The following ARAP2 variants were observed in gnomAD, a reference collection of about 807,000 sequenced individuals.
ARAP2 encodes arf-GAP with Rho-GAP domain, ANK repeat and PH domain-containing protein 2.
ARAP2 carries 148 observed loss-of-function variants against 194.5 expected under a neutral mutation model. The ratio of observed to expected loss-of-function variants is 0.76; its 90% CI spans 0.67 to 0.87. The LOEUF (loss-of-function observed/expected upper bound fraction) is 0.87. ARAP2 is among the 40% of genes least tolerant of loss of function. The probability of loss-of-function intolerance (pLI) is 0.00; values close to 1 mark genes in which losing one functional copy is unlikely to be tolerated. For missense variants in ARAP2, 2,128 were observed against 1,989.7 expected (o/e 1.07, Z -1.32); for synonymous variants, 695 against 683.5 (o/e 1.02, Z -0.26).
intron 24 of ARAP2, among the ~76,000 whole-genome samples, chr4:36,119,233 G>C (rs1722103947): frequency 6.6e-6 from 1 of 151,464 alleles, no homozygotes; most frequent in South Asian, 2.1e-4. Flanking sequence ...ACAATCATAT[G>C]AAAGCATGCA....
At chr4:36,022,876 A>T (rs963990154) in intron 5 of ARAP2, among the ~76,000 whole-genome samples, 1 of 152,178 alleles carries the variant, frequency 6.6e-6, no homozygotes, top group African/African-American at 2.4e-5. Flanking sequence ...AGAACCTGTG[A>T]GTTCCCTATA....
chr4:36,052,736 G>C (rs1318314176), intron 2 of ARAP2, among the ~76,000 whole-genome samples: 1 of 152,100 alleles, frequency 6.6e-6, no homozygotes, highest in Admixed American at 6.5e-5. Flanking sequence ...AGGCCGAGGC[G>C]GGCGGATCAC....
At chr4:36,193,995 T>C (rs1375317004) in intron 6 of ARAP2, among the ~76,000 whole-genome samples, 2 of 152,202 alleles carry the variant, frequency 1.3e-5, no homozygotes, top group Non-Finnish European at 2.9e-5. Flanking sequence ...TAAGCTTTCA[T>C]CCCTCATTAA....
At chr4:36,100,939 GC>G (rs1384044442) in intron 27 of ARAP2, among the ~76,000 whole-genome samples, 1 of 151,758 alleles carries the variant, frequency 6.6e-6, no homozygotes, top group Admixed American at 6.6e-5. Context: ...TATACGGTTG[GC>G]CCTCTGTATC....
chr4:36,167,080 G>T, intron 9 of ARAP2, 33 bp from the exon 10 acceptor site: 1 of 1,179,350 alleles, frequency 8.5e-7, no homozygotes, highest in Non-Finnish European at 1.2e-6. Flanking sequence ...AAACTATAAA[G>T]AAACAAAAAA....
intron 16 of ARAP2, among the ~76,000 whole-genome samples, chr4:36,150,645 A>G (rs1730747456): frequency 6.6e-6 from 1 of 152,154 alleles, no homozygotes; most frequent in African/African-American, 2.4e-5. Context: ...CATCTCAAAA[A>G]AAAAAAAATT....
In ARAP2 at chr4:36,102,113, G is replaced by T. The variant is rs183754982; in HGVS notation, c.4285+5452C>A. Among the ~76,000 whole-genome samples, 96 of 151,882 alleles carry T rather than the reference G, an allele frequency of 6.3e-4. 3 individuals are homozygous for T. The Middle Eastern group carries it at 0.017, about 27-fold the overall frequency. On this transcript the variant is annotated intron_variant, in intron 27 of 32. Transcript: ENST00000303965. The stretch of plus-strand genomic sequence containing the variant: ...CTAAAATTGCATGACTTAGTATTCT[G>T]CCAAGGCTAAAACCACTTTCCACAC...
chr4:36,090,823 G>A (rs1239054855), intron 28 of ARAP2, among the ~76,000 whole-genome samples: 3 of 152,090 alleles, frequency 2.0e-5, no homozygotes, highest in East Asian at 1.9e-4. Flanking sequence ...CCTAAGTGAT[G>A]AAATAATGTG....
At chr4:36,209,016 G>A (rs1353691505) in intron 6 of ARAP2, among the ~76,000 whole-genome samples, 1 of 152,108 alleles carries the variant, frequency 6.6e-6, no homozygotes, top group Admixed American at 6.6e-5. Context: ...CAACAATAGT[G>A]AAACTTTCTG....
intron 6 of ARAP2, among the ~76,000 whole-genome samples, chr4:36,210,021 G>C (rs922014833): frequency 3.3e-5 from 5 of 152,146 alleles, no homozygotes; most frequent in South Asian, 2.1e-4. Context: ...ATGAGCAAAA[G>C]CCAAACAGTG....
intron 2 of ARAP2, among the ~76,000 whole-genome samples, chr4:36,053,633 A>G (rs958481881): frequency 6.6e-6 from 1 of 152,224 alleles, no homozygotes; most frequent in Non-Finnish European, 1.5e-5. Flanking sequence ...CACCTTTCTC[A>G]TTAAAATAAA....
chr4:36,089,587 T>C (rs1229589310), intron 28 of ARAP2, among the ~76,000 whole-genome samples: 1 of 152,124 alleles, frequency 6.6e-6, no homozygotes, highest in Non-Finnish European at 1.5e-5. Flanking sequence ...TCTACATCAT[T>C]TTTTAACATT....
chr4:36,217,332 A>G (rs1748157274), intron 2 of ARAP2, among the ~76,000 whole-genome samples: 1 of 152,076 alleles, frequency 6.6e-6, no homozygotes. Flanking sequence ...GCCAACATGG[A>G]GAAACCCCAT....
intron 5 of ARAP2, among the ~76,000 whole-genome samples, chr4:36,030,797 GTTT>G (rs34777330): frequency 5.6e-4 from 9 of 16,070 alleles, no homozygotes; most frequent in Admixed American, 3.2e-3. Flanking sequence ...CATTGTCTAC[GTTT>G]TTTTTTTTTT....
intron 31 of ARAP2, among the ~76,000 whole-genome samples, chr4:36,076,928 A>C (rs1187666925): frequency 6.6e-6 from 1 of 152,162 alleles, no homozygotes; most frequent in East Asian, 1.9e-4. Flanking sequence ...TCTGATTTCT[A>C]CTCTTCCTCT....
chr4:36,065,324 A>G, downstream of ARAP2: 2 of 497,856 alleles, frequency 4.0e-6, no homozygotes, highest in Non-Finnish European at 8.2e-6. Flanking sequence ...CAGATGTCCC[A>G]AAGAGCTGGC....
intron 21 of ARAP2, among the ~76,000 whole-genome samples, chr4:36,125,934 G>A (rs1005190552): frequency 3.3e-5 from 5 of 151,910 alleles, no homozygotes; most frequent in Admixed American, 3.3e-4. Flanking sequence ...TCAGCAGCAC[G>A]CTAATGATGT....
chr4:36,227,898 G>A (rs186822703), intron 2 of ARAP2, among the ~76,000 whole-genome samples: 2 of 152,100 alleles, frequency 1.3e-5, no homozygotes, highest in Non-Finnish European at 2.9e-5. Context: ...CTCCCAAACT[G>A]TTTAGGTAAT....
chr4:36,125,653 A>T (rs1029994292), intron 21 of ARAP2, among the ~76,000 whole-genome samples: 1 of 151,962 alleles, frequency 6.6e-6, no homozygotes. Flanking sequence ...AGAAGGACTT[A>T]CCCTCCACTC....
Sources: gnomAD v4.1 joint callset for allele counts (sites outside exome capture counted in the v4.1 genomes callset) on GRCh38, gnomAD v4.1.1 for gene constraint, MANE v1.5 for transcripts, NCBI Gene and HGNC (gene_info 2026-07-23, HGNC 2026-07-21) for gene names.